The following CNTN4 variants were observed in gnomAD, a reference collection of about 807,000 sequenced individuals.
CNTN4 encodes the protein contactin-4.
A neutral mutation model predicts 122.5 loss-of-function variants in CNTN4; 77 were observed. That is an observed-to-expected ratio of 0.63 (90% CI 0.52 to 0.76). CNTN4 has a LOEUF of 0.76. Ranked by LOEUF, CNTN4 falls within the 30% of genes least tolerant of loss-of-function variation. CNTN4 has a pLI of 0.00. For synonymous variants in CNTN4, 512 were observed against 447.0 expected (o/e 1.15, Z -1.83); for missense variants, 1,256 against 1,259.1 (o/e 1.00, Z 0.04).
chr3:3,002,056 A>G (rs1363205171), intron 14 of CNTN4, among the ~76,000 whole-genome samples: 3 of 152,242 alleles, frequency 2.0e-5, no homozygotes. Flanking sequence ...CTGTCTTTAA[A>G]AAGACTTCTT....
chr3:2,266,668 T>G (rs2041062872), intron 2 of CNTN4, among the ~76,000 whole-genome samples: 1 of 152,070 alleles, frequency 6.6e-6, no homozygotes, highest in South Asian at 2.1e-4. Context: ...CATTGAAGAA[T>G]TTATAATGTC....
At chr3:2,231,945 A>T (rs1265387735) in intron 2 of CNTN4, among the ~76,000 whole-genome samples, 1 of 152,150 alleles carries the variant, frequency 6.6e-6, no homozygotes, top group African/African-American at 2.4e-5. Context: ...AACATATAGG[A>T]TTATACCTGA....
rs1390672358 is a variant in CNTN4, at chr3:2,255,854, A to G, written c.-144-83324A>G. On this transcript the variant is annotated intron_variant, in intron 2 of 24. Coordinates refer to ENST00000418658, the MANE Select transcript of CNTN4 (RefSeq NM_175607.3). Reference sequence around the variant, plus strand: ...AGAAAACAGGAAAGATCTAAAATTGACAGTCTAACATCACAGTTAAAAGAA... The same window carrying G: ...AGAAAACAGGAAAGATCTAAAATTGGCAGTCTAACATCACAGTTAAAAGAA... 1.7e-4 allele frequency among the ~76,000 whole-genome samples: 26 copies of G among 152,206 alleles called. 1 individual carries two copies. The highest frequency in any genetic ancestry group is 1.7e-3 in the Admixed American group (26 of 15,266).
chr3:2,200,539 G>T (rs1390119137), intron 2 of CNTN4, among the ~76,000 whole-genome samples: 1 of 152,096 alleles, frequency 6.6e-6, no homozygotes, highest in Non-Finnish European at 1.5e-5. Flanking sequence ...CAATGTACAG[G>T]ACCACCCCTT....
chr3:2,828,444 G>C (rs2093033500), intron 7 of CNTN4, among the ~76,000 whole-genome samples: 1 of 152,074 alleles, frequency 6.6e-6, no homozygotes, highest in South Asian at 2.1e-4. Flanking sequence ...ATCTGGTCTT[G>C]GAACTTACAA....
intron 3 of CNTN4, among the ~76,000 whole-genome samples, chr3:2,443,278 G>A (rs2048505151): frequency 6.6e-6 from 1 of 152,120 alleles, no homozygotes; most frequent in East Asian, 1.9e-4. Flanking sequence ...TGATGAGTTG[G>A]TTCCAGCCTG....
rs77668129 is a variant in CNTN4, at chr3:2,884,809, G to A, written c.755+1562G>A. On this transcript the variant is annotated intron_variant, in intron 9 of 24. Coordinates refer to ENST00000418658, the MANE Select transcript of CNTN4 (RefSeq NM_175607.3). ...TTATGAATTAAACTCTATTCACACT[G>A]TTTGAATAGTGCTGGAATAAAAACA... Among the ~76,000 whole-genome samples the A allele has an allele frequency of 1.5e-3, 226 of 152,302 alleles. 1 individual carries two copies. Among genetic ancestry groups the A allele is most frequent in the African/African-American group, 5.0e-3 (209 of 41,568 alleles).
chr3:2,318,380 G>A (rs2043181066), intron 2 of CNTN4, among the ~76,000 whole-genome samples: 1 of 152,100 alleles, frequency 6.6e-6, no homozygotes, highest in African/African-American at 2.4e-5. Context: ...GGTTGGCCCT[G>A]TCTCCATCAG....
chr3:2,379,620 G>T (rs1046542395), intron 3 of CNTN4, among the ~76,000 whole-genome samples: 1 of 152,084 alleles, frequency 6.6e-6, no homozygotes, highest in African/African-American at 2.4e-5. Context: ...ATCATTTGTT[G>T]TTAAAATCTT....
chr3:2,696,409 T>C (rs989863038), intron 4 of CNTN4, among the ~76,000 whole-genome samples: 3 of 152,242 alleles, frequency 2.0e-5, no homozygotes, highest in African/African-American at 7.2e-5. Flanking sequence ...AATGAATTAA[T>C]GCACTTATAA....
intron 14 of CNTN4, among the ~76,000 whole-genome samples, chr3:3,001,727 A>AT (rs1468006229): frequency 6.6e-6 from 1 of 152,186 alleles, no homozygotes; most frequent in Non-Finnish European, 1.5e-5. Context: ...CCAGCTCTTG[A>AT]TTATTTCCAA....
At chr3:2,869,562 A>C (rs2093761954) in intron 8 of CNTN4, among the ~76,000 whole-genome samples, 1 of 152,216 alleles carries the variant, frequency 6.6e-6, no homozygotes, top group Non-Finnish European at 1.5e-5. Flanking sequence ...CATTATTTGT[A>C]AAACCAAATA....
chr3:2,729,635 C>T (rs1281710374), intron 4 of CNTN4, among the ~76,000 whole-genome samples: 2 of 151,504 alleles, frequency 1.3e-5, no homozygotes, highest in East Asian at 1.9e-4. Flanking sequence ...AATGCATAGG[C>T]CAGGAGCAGT....
chr3:2,671,475 C>G (rs1046816667), intron 4 of CNTN4, among the ~76,000 whole-genome samples: 38 of 152,128 alleles, frequency 2.5e-4, no homozygotes, highest in African/African-American at 9.2e-4. Context: ...ATTGGTTATT[C>G]TAGTTAGCCA....
intron 13 of CNTN4, among the ~76,000 whole-genome samples, chr3:2,932,205 C>A (rs556967104): frequency 6.6e-6 from 1 of 151,850 alleles, no homozygotes; most frequent in African/African-American, 2.4e-5. Flanking sequence ...GTGAAACCCT[C>A]TCTTTACTAA....
intron 23 of CNTN4, among the ~76,000 whole-genome samples, chr3:3,046,003 C>T (rs1253598218): frequency 6.6e-6 from 1 of 152,064 alleles, no homozygotes; most frequent in Non-Finnish European, 1.5e-5. Context: ...GTAGCCAATT[C>T]GATCAGCTGG....
At chr3:2,556,287 G>A (rs187272744) in intron 3 of CNTN4, among the ~76,000 whole-genome samples, 3 of 152,214 alleles carry the variant, frequency 2.0e-5, no homozygotes, top group African/African-American at 7.2e-5. Flanking sequence ...TCACCTTAAC[G>A]TCTGTTTTAA....
At chr3:2,422,169 A>C (rs1301915739) in intron 3 of CNTN4, among the ~76,000 whole-genome samples, 1 of 152,230 alleles carries the variant, frequency 6.6e-6, no homozygotes, top group Non-Finnish European at 1.5e-5. Flanking sequence ...CATCTAGAGC[A>C]CTGCCCATAG....
intron 14 of CNTN4, among the ~76,000 whole-genome samples, chr3:2,996,877 C>G (rs1406141948): frequency 6.6e-6 from 1 of 152,176 alleles, no homozygotes; most frequent in African/African-American, 2.4e-5. Context: ...ATAGATCTCT[C>G]ACCTAGCTCT....
Sources: gnomAD v4.1 joint callset for allele counts (sites outside exome capture counted in the v4.1 genomes callset) on GRCh38, gnomAD v4.1.1 for gene constraint, MANE v1.5 for transcripts, NCBI Gene and HGNC (gene_info 2026-07-23, HGNC 2026-07-21) for gene names.